PHF24: variants seen among roughly 807,000 people sequenced by gnomAD.
PHF24 encodes the protein Galpha inhibitory interacting protein.
A neutral mutation model predicts 42.6 loss-of-function variants in PHF24; 25 were observed. The observed-to-expected ratio is 0.59, with a 90% CI of 0.43 to 0.82. The LOEUF (loss-of-function observed/expected upper bound fraction) is 0.82, where lower values mean the gene tolerates loss of function less well. Ranked by LOEUF, PHF24 falls within the 40% of genes least tolerant of loss-of-function variation. The pLI is 0.00. For missense variants in PHF24, 470 were observed against 538.1 expected (o/e 0.87, Z 1.25); for synonymous variants, 185 against 204.8 (o/e 0.90, Z 0.83).
At chr9:34,922,872 T>A in the PHF24 span, 536 of 1,575,310 alleles carry the variant, frequency 3.4e-4, 1 homozygote, top group Non-Finnish European at 4.5e-4. Flanking sequence ...ATCATACCAC[T>A]CAGCCTGCTC....
the PHF24 span, among the ~76,000 whole-genome samples, chr9:34,860,710 A>G: frequency 2.2e-5 from 3 of 134,478 alleles, no homozygotes; most frequent in East Asian, 2.5e-4. Flanking sequence ...GTGTGTGTGC[A>G]TGCACTCGTG....
the PHF24 span, among the ~76,000 whole-genome samples, chr9:34,915,005 G>A: frequency 3.3e-5 from 4 of 122,364 alleles, no homozygotes; most frequent in Non-Finnish European, 6.8e-5. Context: ...TGCCCAGGTT[G>A]ACACATTTCT....
the PHF24 span, among the ~76,000 whole-genome samples, chr9:34,868,911 C>G: frequency 1.3e-5 from 2 of 152,158 alleles, no homozygotes; most frequent in Non-Finnish European, 2.9e-5. Context: ...CTTCCTCTCC[C>G]AGCCCTGCAT....
At chr9:34,967,712 C>T (rs1204951659) in intron 1 of PHF24, among the ~76,000 whole-genome samples, 1 of 152,176 alleles carries the variant, frequency 6.6e-6, no homozygotes, top group Non-Finnish European at 1.5e-5. Flanking sequence ...GACTACAGGG[C>T]CAGCCCTGTC....
the PHF24 span, chr9:34,837,783 A>G: frequency 2.2e-6 from 2 of 903,978 alleles, no homozygotes; most frequent in South Asian, 1.4e-5. Flanking sequence ...TTTATTTTCC[A>G]CTCCCTTTCT....
chr9:34,757,411 T>C, the PHF24 span, among the ~76,000 whole-genome samples: 1 of 152,222 alleles, frequency 6.6e-6, no homozygotes, highest in Non-Finnish European at 1.5e-5. Context: ...TTATCATCTC[T>C]AACATTTTTG....
rs930845183 is a variant in PHF24, at chr9:34,977,340, G to A, written c.1010+97G>A. ...TACCTCCCTGCTCCCCCTGCCAACA[G>A]CCGAGAGAGGAGCCTCCTGTGCATT... On this transcript the variant is annotated intron_variant, in intron 6 of 7. Coordinates refer to ENST00000242315, the Ensembl canonical transcript of PHF24. 9.1e-6 allele frequency: 13 copies of A among 1,422,916 alleles called. No individual in the cohort carries two copies. The Admixed American group carries it at 2.5e-4, about 28-fold the overall frequency. The allele number at this position is 1,422,916 out of a possible 1,614,324, so 88.1% of individuals were successfully genotyped here. A position where few individuals can be genotyped will look rare whatever the true frequency, so the allele number is the denominator to read the frequency against.
the PHF24 span, among the ~76,000 whole-genome samples, chr9:34,699,096 T>G: frequency 2.0e-5 from 3 of 152,250 alleles, no homozygotes; most frequent in Admixed American, 1.3e-4. Context: ...TAGTTGGATG[T>G]GCACAGCAGC....
chr9:34,789,992 A>G, the PHF24 span, among the ~76,000 whole-genome samples: 4 of 152,128 alleles, frequency 2.6e-5, no homozygotes, highest in Non-Finnish European at 5.9e-5. Flanking sequence ...GACTACAGGC[A>G]TGCGCCACCA....
At chr9:34,780,364 A>G in the PHF24 span, among the ~76,000 whole-genome samples, 1 of 123,694 alleles carries the variant, frequency 8.1e-6, no homozygotes, top group Non-Finnish European at 1.6e-5. Flanking sequence ...TGGTGTGATC[A>G]TGGCTCACTG....
the PHF24 span, among the ~76,000 whole-genome samples, chr9:34,808,831 A>G: frequency 2.4e-4 from 34 of 143,330 alleles, no homozygotes; most frequent in African/African-American, 8.3e-4. Flanking sequence ...ATACTATTAC[A>G]AGGGCAATTA....
the PHF24 span, among the ~76,000 whole-genome samples, chr9:34,751,580 T>A: frequency 2.6e-5 from 4 of 152,098 alleles, no homozygotes; most frequent in Non-Finnish European, 5.9e-5. Flanking sequence ...AAGAGAGAGA[T>A]AGATCCCAGT....
chr9:34,894,458 C>T, the PHF24 span: 1 of 398,622 alleles, frequency 2.5e-6, no homozygotes, highest in Non-Finnish European at 4.4e-6. Context: ...TGAGAAACAG[C>T]AGCTTCCACA....
the PHF24 span, among the ~76,000 whole-genome samples, chr9:34,933,667 G>A: frequency 6.6e-6 from 1 of 151,310 alleles, no homozygotes; most frequent in African/African-American, 2.4e-5. Flanking sequence ...TGAGCTTGCA[G>A]TGAGCTGAGA....
chr9:34,859,558 G>A, the PHF24 span, among the ~76,000 whole-genome samples: 2 of 152,066 alleles, frequency 1.3e-5, no homozygotes, highest in Admixed American at 6.5e-5. Context: ...ATATTTGTCA[G>A]TTTCTGGTTA....
At chr9:34,860,687 AGTGTGTGTGT>A in the PHF24 span, among the ~76,000 whole-genome samples, 1 of 149,954 alleles carries the variant, frequency 6.7e-6, no homozygotes, top group African/African-American at 2.4e-5. Context: ...GACCTTTAAA[AGTGTGTGTGT>A]GTGTGTGTGT....
chr9:34,968,878 T>C (rs1266236699), intron 1 of PHF24, among the ~76,000 whole-genome samples: 1 of 152,248 alleles, frequency 6.6e-6, no homozygotes. Context: ...GTAATCATCC[T>C]ATTGAATATG....
chr9:34,971,487 A>G (rs374579205), exon 2 of PHF24: 17 of 1,614,060 alleles, frequency 1.1e-5, no homozygotes, highest in Non-Finnish European at 1.4e-5. Flanking sequence ...AAGCAGAAGC[A>G]GGAACCTCGG....
chr9:34,972,691 A>T (rs945322436), intron 3 of PHF24, among the ~76,000 whole-genome samples, 160 bp downstream of exon 3: 17 of 152,156 alleles, frequency 1.1e-4, no homozygotes, highest in Admixed American at 4.6e-4. Context: ...CAGTGCCGGA[A>T]GATCACGAGG....
Sources: gnomAD v4.1 joint callset for allele counts (sites outside exome capture counted in the v4.1 genomes callset) on GRCh38, gnomAD v4.1.1 for gene constraint, MANE v1.5 for transcripts, NCBI Gene and HGNC (gene_info 2026-07-23, HGNC 2026-07-21) for gene names.